The following RBFOX1 variants were observed in gnomAD, a reference collection of about 807,000 sequenced individuals.
RBFOX1 encodes RNA binding protein fox-1 homolog 1.
A neutral mutation model predicts 57.7 loss-of-function variants in RBFOX1; 8 were observed. That is an observed-to-expected ratio of 0.14 (90% CI 0.08 to 0.25). The LOEUF (loss-of-function observed/expected upper bound fraction) is 0.25. Among genes scored for constraint, RBFOX1 ranks in the 10% least tolerant of loss-of-function variants. The pLI is 1.00. For missense variants in RBFOX1, 611 were observed against 548.5 expected (o/e 1.11, Z -1.14); for synonymous variants, 326 against 222.4 (o/e 1.47, Z -4.15).
At chr16:6,797,801 G>C (rs2084433213) in intron 3 of RBFOX1, among the ~76,000 whole-genome samples, 1 of 152,136 alleles carries the variant, frequency 6.6e-6, no homozygotes, top group Non-Finnish European at 1.5e-5. Flanking sequence ...TTGGTAAGAA[G>C]TAACACAACA....
chr16:7,478,705 A>G (rs2063244758), intron 4 of RBFOX1, among the ~76,000 whole-genome samples: 1 of 152,210 alleles, frequency 6.6e-6, no homozygotes, highest in South Asian at 2.1e-4. Flanking sequence ...AATATGAAAA[A>G]TTCAATCCAT....
At position 5,991,645 on chromosome 16, in the gene RBFOX1, GTTTTTTTTTTTTTTTTTT is replaced by G. The variant is rs60004233; in HGVS notation, c.351+124314_351+124331del. 1.3e-3 allele frequency among the ~76,000 whole-genome samples: 160 copies of G among 123,970 alleles called. 1 individual carries two copies. The highest frequency in any genetic ancestry group is 4.1e-3 in the African/African-American group (138 of 33,296). 81.3% of individuals were successfully genotyped at this position (123,970 alleles called of 152,430 possible). ...ATTTGGTTTGGGAAATTATTAGATA[GTTTTTTTTTTTTTTTTTT>G]TTTCTTTTTTTGGAAGTTCTATAAC... On this transcript the variant is annotated intron_variant, in intron 4 of 19. Transcript: ENST00000641259.
At chr16:5,725,960 A>G (rs1312099597) in intron 3 of RBFOX1, among the ~76,000 whole-genome samples, 1 of 151,912 alleles carries the variant, frequency 6.6e-6, no homozygotes, top group Admixed American at 6.6e-5. Flanking sequence ...ACAAACCCAC[A>G]TTTCTGAGGT....
At chr16:7,067,107 C>T (rs909753190) in intron 4 of RBFOX1, among the ~76,000 whole-genome samples, 1 of 152,148 alleles carries the variant, frequency 6.6e-6, no homozygotes, top group African/African-American at 2.4e-5. Context: ...TGAAGGGGAA[C>T]TCATATGCCA....
intron 1 of RBFOX1, among the ~76,000 whole-genome samples, chr16:6,193,425 T>TATATATATATA (rs1243693521): frequency 1.0e-4 from 11 of 106,480 alleles, no homozygotes; most frequent in African/African-American, 3.2e-4. Flanking sequence ...TATATATATA[T>TATATATATATA]AAAATTCAGT....
intron 3 of RBFOX1, among the ~76,000 whole-genome samples, chr16:5,771,445 G>A (rs761262262): frequency 1.3e-5 from 2 of 152,162 alleles, no homozygotes; most frequent in Non-Finnish European, 1.5e-5. Flanking sequence ...GTCTCCCTCC[G>A]TAGTCCAGGC....
At chr16:6,823,067 A>G (rs375243824) in intron 3 of RBFOX1, among the ~76,000 whole-genome samples, 3 of 152,006 alleles carry the variant, frequency 2.0e-5, no homozygotes, top group East Asian at 1.9e-4. Flanking sequence ...GTTGAATACA[A>G]TTATTTCCAT....
intron 3 of RBFOX1, among the ~76,000 whole-genome samples, chr16:5,803,772 T>G (rs964218597): frequency 1.4e-4 from 21 of 152,200 alleles, no homozygotes; most frequent in Non-Finnish European, 3.1e-4. Flanking sequence ...TTCTATTATC[T>G]CATGCTCTAC....
chr16:5,969,944 G>C (rs1332070886), intron 4 of RBFOX1, among the ~76,000 whole-genome samples: 1 of 152,102 alleles, frequency 6.6e-6, no homozygotes, highest in African/African-American at 2.4e-5. Flanking sequence ...TTTGCAGGGA[G>C]TTGACCACAT....
intron 4 of RBFOX1, among the ~76,000 whole-genome samples, chr16:5,973,651 A>G (rs1350880267): frequency 6.6e-6 from 1 of 152,210 alleles, no homozygotes; most frequent in African/African-American, 2.4e-5. Flanking sequence ...GCATGCTTCC[A>G]TGAGGGAGTT....
chr16:6,240,003 T>C (rs1460185176), intron 1 of RBFOX1, among the ~76,000 whole-genome samples: 2 of 152,028 alleles, frequency 1.3e-5, no homozygotes, highest in South Asian at 4.2e-4. Flanking sequence ...GTCATCGGAG[T>C]GGATCTCTCA....
intron 1 of RBFOX1, among the ~76,000 whole-genome samples, chr16:5,362,520 G>A (rs979092047): frequency 1.3e-5 from 2 of 152,078 alleles, no homozygotes; most frequent in Non-Finnish European, 2.9e-5. Flanking sequence ...GCGCCAACAC[G>A]CTTGGCTAAT....
At chr16:6,926,236 G>C (rs144605636) in intron 3 of RBFOX1, among the ~76,000 whole-genome samples, 14 of 152,160 alleles carry the variant, frequency 9.2e-5, no homozygotes, top group African/African-American at 3.1e-4. Flanking sequence ...GAACCTGGGA[G>C]GGGGAGGTTG....
intron 3 of RBFOX1, among the ~76,000 whole-genome samples, chr16:6,756,696 G>A (rs941461274): frequency 1.6e-4 from 25 of 152,180 alleles, no homozygotes; most frequent in African/African-American, 6.0e-4. Context: ...TACAGGCCGG[G>A]CCTGGTGGTT....
At chr16:6,403,442 C>T (rs2093156909) in intron 2 of RBFOX1, among the ~76,000 whole-genome samples, 1 of 151,978 alleles carries the variant, frequency 6.6e-6, no homozygotes, top group Non-Finnish European at 1.5e-5. Flanking sequence ...CCACTCATTG[C>T]AGCCTGGACC....
At chr16:6,949,993 C>T (rs1253461990) in intron 3 of RBFOX1, among the ~76,000 whole-genome samples, 16 of 151,314 alleles carry the variant, frequency 1.1e-4, no homozygotes. Context: ...GTTGCCCAGG[C>T]TGGAGTGCAG....
At chr16:5,252,475 T>C (rs1475701989) in intron 1 of RBFOX1, among the ~76,000 whole-genome samples, 1 of 152,234 alleles carries the variant, frequency 6.6e-6, no homozygotes, top group African/African-American at 2.4e-5. Flanking sequence ...TCAGTGTGCA[T>C]TTGTGAGTTC....
chr16:5,968,867 G>A (rs544660368), intron 4 of RBFOX1, among the ~76,000 whole-genome samples: 7 of 151,878 alleles, frequency 4.6e-5, no homozygotes, highest in Non-Finnish European at 8.8e-5. Context: ...AATGTGCTAC[G>A]TACTCTTGAA....
At chr16:5,679,206 TTC>T (rs959711691) in intron 3 of RBFOX1, among the ~76,000 whole-genome samples, 7 of 152,232 alleles carry the variant, frequency 4.6e-5, no homozygotes, top group African/African-American at 1.7e-4. Context: ...AGGGCGCATC[TTC>T]ATTTAATCCA....
Sources: gnomAD v4.1 joint callset for allele counts (sites outside exome capture counted in the v4.1 genomes callset) on GRCh38, gnomAD v4.1.1 for gene constraint, MANE v1.5 for transcripts, NCBI Gene and HGNC (gene_info 2026-07-23, HGNC 2026-07-21) for gene names.